Variants in FARS2 observed in about 807,000 individuals in gnomAD.
FARS2 encodes the protein phenylalanine--tRNA ligase, mitochondrial.
FARS2 carries 40 observed loss-of-function variants against 46.4 expected under a neutral mutation model. The observed-to-expected ratio is 0.86, with a 90% confidence interval of 0.67 to 1.12. The LOEUF (loss-of-function observed/expected upper bound fraction) is 1.12. Ranked by LOEUF, FARS2 falls within the 50% of genes most tolerant of loss-of-function variation. The pLI, the probability that FARS2 is intolerant of heterozygous loss-of-function variation, is 0.00. For missense variants in FARS2, 513 were observed against 567.9 expected, an observed-to-expected ratio of 0.90 and a Z score of 0.98; for synonymous variants, 234 against 214.9, an observed-to-expected ratio of 1.09 and a Z score of -0.78.
At chr6:5,382,737 G>A (rs1202860289) in intron 2 of FARS2, among the ~76,000 whole-genome samples, 1 of 152,006 alleles carries the variant, frequency 6.6e-6, no homozygotes, top group Non-Finnish European at 1.5e-5. Context: ...TATTAGTCAG[G>A]GTTCTCCAGA....
chr6:5,326,613 C>T (rs566552441), intron 1 of FARS2, among the ~76,000 whole-genome samples: 1 of 152,342 alleles, frequency 6.6e-6, no homozygotes, highest in African/African-American at 2.4e-5. Context: ...TTCGTTAAAG[C>T]TTCGAGTTCC....
At chr6:5,535,830 CATTG>C (rs34939699) in intron 4 of FARS2, among the ~76,000 whole-genome samples, 32,701 of 151,854 alleles carry the variant, frequency 0.22, 4,783 homozygotes, top group Non-Finnish European at 0.32. Context: ...CAGTATATTA[CATTG>C]ATTGATTTTT....
intron 6 of FARS2, among the ~76,000 whole-genome samples, chr6:5,746,644 G>A (rs1043669525): frequency 2.6e-5 from 4 of 151,542 alleles, no homozygotes; most frequent in African/African-American, 7.3e-5. Context: ...AAAGCAGGGT[G>A]GAGAATAGGC....
At chr6:5,757,158 G>A (rs1762248667) in intron 6 of FARS2, among the ~76,000 whole-genome samples, 1 of 143,054 alleles carries the variant, frequency 7.0e-6, no homozygotes, top group African/African-American at 2.9e-5. Context: ...AGAAATGTAA[G>A]CCTGACATCT....
chr6:5,761,558 T>C (rs1053896213), intron 6 of FARS2, among the ~76,000 whole-genome samples: 1 of 152,232 alleles, frequency 6.6e-6, no homozygotes, highest in East Asian at 1.9e-4. Context: ...ATTGGGAGGC[T>C]GCCTTGTAAC....
At chr6:5,425,570 G>T (rs1158478773) in intron 3 of FARS2, among the ~76,000 whole-genome samples, 2 of 152,172 alleles carry the variant, frequency 1.3e-5, no homozygotes, top group Non-Finnish European at 2.9e-5. Flanking sequence ...CAAAGGTGCA[G>T]AAGTCGGGAG....
chr6:5,593,336 G>GT (rs1774026921), intron 5 of FARS2, among the ~76,000 whole-genome samples: 1 of 152,008 alleles, frequency 6.6e-6, no homozygotes, highest in African/African-American at 2.4e-5. Flanking sequence ...AAACACAGAG[G>GT]TGCACGGCCG....
At chr6:5,521,251 A>T (rs1769117882) in intron 4 of FARS2, among the ~76,000 whole-genome samples, 1 of 152,152 alleles carries the variant, frequency 6.6e-6, no homozygotes, top group Non-Finnish European at 1.5e-5. Context: ...TGGTGCTGCC[A>T]GGCAGTGGGA....
chr6:5,302,170 C>A (rs1765029950), intron 1 of FARS2, among the ~76,000 whole-genome samples: 2 of 152,198 alleles, frequency 1.3e-5, no homozygotes, highest in South Asian at 4.1e-4. Context: ...GTCCTAGGAA[C>A]AGCAGAATCT....
At chr6:5,561,582 AT>A (rs1426594571) in intron 5 of FARS2, among the ~76,000 whole-genome samples, 1 of 152,106 alleles carries the variant, frequency 6.6e-6, no homozygotes, top group Non-Finnish European at 1.5e-5. Flanking sequence ...ATGTTTCAGA[AT>A]TTCTGTTTAA....
chr6:5,417,242 G>C (rs1470289592), intron 3 of FARS2, among the ~76,000 whole-genome samples: 1 of 151,950 alleles, frequency 6.6e-6, no homozygotes, highest in Non-Finnish European at 1.5e-5. Context: ...TTTGAGATAG[G>C]GTCTTGCTCT....
chr6:5,340,938 A>G (rs964906526), intron 1 of FARS2, among the ~76,000 whole-genome samples: 3 of 151,466 alleles, frequency 2.0e-5, no homozygotes, highest in East Asian at 3.9e-4. Context: ...ACAAGGTCAG[A>G]AGTTTGAGAC....
intron 6 of FARS2, among the ~76,000 whole-genome samples, chr6:5,632,454 CAGT>C (rs1056733663): frequency 3.3e-5 from 5 of 151,994 alleles, no homozygotes; most frequent in Admixed American, 6.6e-5. Context: ...GCGGGCAATT[CAGT>C]GATACTTAAT....
At chr6:5,514,630 G>T (rs904770998) in intron 4 of FARS2, among the ~76,000 whole-genome samples, 17 of 152,286 alleles carry the variant, frequency 1.1e-4, no homozygotes, top group African/African-American at 3.1e-4. Flanking sequence ...CTGGTGAAGA[G>T]AATTTTCTCT....
At chr6:5,491,477 G>A (rs1767106254) in intron 4 of FARS2, among the ~76,000 whole-genome samples, 1 of 152,038 alleles carries the variant, frequency 6.6e-6, no homozygotes, top group African/African-American at 2.4e-5. Context: ...AAGTGACGTC[G>A]AGTTAAGAAT....
At chr6:5,709,777 A>T (rs1582810537) in intron 6 of FARS2, among the ~76,000 whole-genome samples, 1 of 151,268 alleles carries the variant, frequency 6.6e-6, no homozygotes, top group African/African-American at 2.4e-5. Flanking sequence ...TGAGATTCTG[A>T]TGTAGTGGAG....
At chr6:5,609,301 C>T (rs1266724564) in intron 5 of FARS2, 32 of 1,097,834 alleles carry the variant, frequency 2.9e-5, no homozygotes, top group Non-Finnish European at 3.6e-5. Context: ...CATGGTTTGG[C>T]AAAGTATTGG....
At chr6:5,582,795 CTTT>C (rs1773410108) in intron 5 of FARS2, among the ~76,000 whole-genome samples, 1 of 152,184 alleles carries the variant, frequency 6.6e-6, no homozygotes, top group African/African-American at 2.4e-5. Context: ...CAAAATAGCT[CTTT>C]ATGTTAAACT....
At chr6:5,422,276 G>C (rs543078616) in intron 3 of FARS2, among the ~76,000 whole-genome samples, 1 of 152,120 alleles carries the variant, frequency 6.6e-6, no homozygotes, top group African/African-American at 2.4e-5. Context: ...TCCACAATGC[G>C]TGGGAATTCA....
Sources: gnomAD v4.1 joint callset for allele counts (sites outside exome capture counted in the v4.1 genomes callset) on GRCh38, gnomAD v4.1.1 for gene constraint, MANE v1.5 for transcripts, NCBI Gene and HGNC (gene_info 2026-07-23, HGNC 2026-07-21) for gene names.